Variants in NFATC4 observed in about 807,000 individuals in gnomAD.
The protein encoded by NFATC4 is nuclear factor of activated T cells 4, also known as nuclear factor of activated T-cells, cytoplasmic 4.
In NFATC4, 25 loss-of-function variants were observed where a neutral mutation model predicts 73.4. The observed-to-expected ratio is 0.34, with a 90% CI of 0.25 to 0.48. NFATC4 has a LOEUF of 0.48. Among genes scored for constraint, NFATC4 ranks in the 20% least tolerant of loss-of-function variants. The pLI, the probability that NFATC4 is intolerant of heterozygous loss-of-function variation, is 0.99. For missense variants in NFATC4, 1,130 were observed against 1,203.7 expected (o/e 0.94, Z 0.91); for synonymous variants, 523 against 510.3 (o/e 1.02, Z -0.34).
chr14:24,373,514 A>G lies in NFATC4; in HGVS notation c.1559+144A>G, dbSNP rs1319229701. 3 of 1,365,518 alleles carry G rather than the reference A, an allele frequency of 2.2e-6. No homozygotes were observed. The highest frequency in any genetic ancestry group is 1.4e-5 in the African/African-American group (1 of 69,102). 84.6% of individuals were successfully genotyped at this position (1,365,518 alleles called of 1,614,324 possible). On this transcript the variant is annotated intron_variant, in intron 4 of 9. Transcript: ENST00000250373. This position sits in a 1 kb window ranked among gnomAD's most constrained non-coding sequence, Gnocchi z 4.7. ...GCTTCAGGCCTACCCACCATCTGGA[A>G]GAGGACTTTTGGGGTTGGGGGTACC... is the stretch of plus-strand genomic sequence containing the variant.
At chr14:24,367,453 C>CA (rs2139267434), upstream of NFATC4, 1 of 1,535,752 alleles carries the variant, frequency 6.5e-7, no homozygotes, top group Non-Finnish European at 8.7e-7. Flanking sequence ...AGGGCAGCGG[C>CA]AAAGCCTGGC....
Position 24,377,464 on chromosome 14 carries a change from G to A in NFATC4, c.2642-174G>A. On this transcript the variant is annotated intron_variant, in intron 9 of 9. Coordinates refer to ENST00000250373, the MANE Select transcript of NFATC4 (RefSeq NM_004554.5). The surrounding 1 kb of genome is among the most constrained non-coding windows in gnomAD (Gnocchi z 4.2). The stretch of plus-strand genomic sequence containing the variant: ...AGGGAGTTGGGCAAGATTTGATTCG[G>A]AGCAGGTGTCAAGACGTGTTGGGGA... 4.9e-6 allele frequency: 7 copies of A among 1,439,396 alleles called. No individual in the cohort carries two copies. The highest frequency in any genetic ancestry group is 5.5e-6 in the Non-Finnish European group (6 of 1,099,588). 89.2% of individuals were successfully genotyped at this position (1,439,396 alleles called of 1,614,324 possible).
intron 7 of NFATC4, 44 bp downstream of exon 7, chr14:24,375,759 G>GGGGGGGGGGGCCCC: frequency 1.6e-6 from 1 of 617,010 alleles, no homozygotes; most frequent in Non-Finnish European, 3.0e-6. Flanking sequence ...GGGGGTGGGA[G>GGGGGGGGGGGCCCC]AAGGCAGGGG....
chr14:24,369,777 C>A lies in NFATC4; in HGVS notation c.379C>A (p.Pro127Thr), dbSNP rs374076962. The part of the protein sequence containing the change: ...RITSISPTPE[P>T]PAALEDNPDA... ...CACCTCCATCTCTCCCACGCCGGAG[C>A]CGCCAGCAGCGCTGGAGGACAACCC... Residue 127 changes from proline (P) to threonine (T), a missense_variant, in exon 2 of 10, where the codon CCG becomes ACG. Coordinates refer to ENST00000250373, the MANE Select transcript of NFATC4 (RefSeq NM_004554.5). 8.8e-6 allele frequency: 14 copies of A among 1,596,010 alleles called. No individual in the cohort carries two copies. The highest frequency in any genetic ancestry group is 3.5e-5 in the Admixed American group (2 of 56,634).
At chr14:24,368,724 C>T (rs574866761) in intron 1 of NFATC4, among the ~76,000 whole-genome samples, 29 of 152,026 alleles carry the variant, frequency 1.9e-4, no homozygotes, top group South Asian at 8.3e-4. Context: ...GGAACTACGG[C>T]CCCAACAGCA....
upstream of NFATC4, chr14:24,367,612 C>T: frequency 3.9e-6 from 6 of 1,536,146 alleles, no homozygotes; most frequent in Non-Finnish European, 5.2e-6. Flanking sequence ...GCTGATTCGG[C>T]AGCGCAAAGA....
chr14:24,371,051 T>C (rs781162531), intron 2 of NFATC4, among the ~76,000 whole-genome samples: 8 of 152,202 alleles, frequency 5.3e-5, no homozygotes, highest in Admixed American at 1.3e-4. Flanking sequence ...ATTCCTTAAT[T>C]TCTAGAGCCT....
At chr14:24,374,049 GCC>G in intron 5 of NFATC4, 182 bp downstream of exon 5, 1 of 995,914 alleles carries the variant, frequency 1.0e-6, no homozygotes, top group Non-Finnish European at 1.5e-6. Context: ...CTCTGGGGTG[GCC>G]CAGAGTGACA....
chr14:24,368,683 G>T (rs1301182674), intron 1 of NFATC4, among the ~76,000 whole-genome samples: 1 of 151,838 alleles, frequency 6.6e-6, no homozygotes, highest in Non-Finnish European at 1.5e-5. Flanking sequence ...CTCCCGGCTG[G>T]GCCGCCTGTC....
chr14:24,367,415 T>G, upstream of NFATC4: 1 of 1,535,662 alleles, frequency 6.5e-7, no homozygotes, highest in Middle Eastern at 1.8e-4. Flanking sequence ...TGGAGGCTAA[T>G]TCACGGCCCC....
In NFATC4 at chr14:24,377,862, A is replaced by G; in HGVS notation, c.*157A>G. 7.0e-7 allele frequency: 1 copy of G among 1,423,344 alleles called. No individual in the cohort carries two copies. Among genetic ancestry groups the G allele is most frequent in the Non-Finnish European group, 9.4e-7 (1 of 1,065,106 alleles). The allele number at this position is 1,423,344 out of a possible 1,614,324, so 88.2% of individuals were successfully genotyped here. On this transcript the variant is annotated 3_prime_UTR_variant, in exon 10 of 10. Transcript: ENST00000250373. This position sits in a 1 kb window ranked among gnomAD's most constrained non-coding sequence, Gnocchi z 4.2. ...CTCACTGTCTTCCCTCCCCTCCCCC[A>G]GCTGAGGTGTGGCCCTCAGGCCTGG...
rs779158673 is a variant in NFATC4 at position 24,376,404 on chromosome 14, C to T, written c.2167C>T (p.Pro723Ser). 1.9e-6 allele frequency: 3 copies of T among 1,613,450 alleles called. No individual in the cohort carries two copies. Among genetic ancestry groups the T allele is most frequent in the African/African-American group, 1.3e-5 (1 of 74,834 alleles). Residue 723 changes from proline to serine, a missense_variant, in exon 9 of 10, where the codon CCC (proline) becomes TCC (serine). Around this residue, in one of 3 missense-constraint regions of NFATC4, gnomAD observed 390 missense variants for 408.1 expected, o/e 0.96. Transcript: ENST00000250373. The surrounding 1 kb of genome is among the most constrained non-coding windows in gnomAD (Gnocchi z 5.0). The stretch of plus-strand genomic sequence containing the variant: ...CTTCTCACCACCCAGGCCCCCCTAC[C>T]CCTCCTATCCCCATGAAGACCCTGC... ...MDFSPPRPPY[P>S]SYPHEDPACE...
At position 24,369,005 on chromosome 14, in the gene NFATC4, C is replaced by T. The variant is rs1319520091; in HGVS notation, c.101-494C>T. 7.2e-6 allele frequency: 9 copies of T among 1,244,300 alleles called. No homozygotes were observed. In the South Asian group the frequency reaches 1.4e-4, roughly 20 times the overall value. 77.1% of individuals were successfully genotyped at this position (1,244,300 alleles called of 1,614,324 possible). The stretch of plus-strand genomic sequence containing the variant: ...CATCACCCCCTCGGCTGCACCTCCG[C>T]CCCTAGATGGCGAGGAGAGAGGGAG... On this transcript the variant is annotated intron_variant, in intron 1 of 9. Transcript: ENST00000250373.
intron 2 of NFATC4, among the ~76,000 whole-genome samples, chr14:24,370,965 C>G (rs912355555): frequency 6.6e-6 from 1 of 152,210 alleles, no homozygotes; most frequent in African/African-American, 2.4e-5. Flanking sequence ...TGGATTTCAG[C>G]CTTCCACTCT....
chr14:24,369,735 T>G lies in NFATC4; in HGVS notation c.337T>G (p.Cys113Gly). Residue 113 changes from cysteine (C) to glycine (G), a missense_variant, in exon 2 of 10, where the codon TGT (cysteine) becomes GGT (glycine). Cys to Gly is a radical substitution (Grantham distance 159, BLOSUM62 -3). Coordinates refer to ENST00000250373, the MANE Select transcript of NFATC4 (RefSeq NM_004554.5). ...TGCTGGGGGTGGCCGTGTTCTCGAGTGTCCCAGCATCCGCATCACCTCCAT... is the reference window on the plus strand; with the variant it reads ...TGCTGGGGGTGGCCGTGTTCTCGAGGGTCCCAGCATCCGCATCACCTCCAT... ...GGAGGGRVLE[C>G]PSIRITSISP... The G allele has an allele frequency of 6.2e-7, 1 of 1,607,276 alleles. No homozygotes were observed. The highest frequency in any genetic ancestry group is 8.5e-7 in the Non-Finnish European group (1 of 1,176,660).
rs1193485721 is a variant in NFATC4, at chr14:24,373,569, A to G, written c.1560-126A>G. On this transcript the variant is annotated intron_variant, in intron 4 of 9. Transcript: ENST00000250373. This position sits in a 1 kb window ranked among gnomAD's most constrained non-coding sequence, Gnocchi z 4.7. ...AGAGGCCATCTCTGGGTTAGAAAAT[A>G]GCCTCCTAGGCACTCATCGAAAGTC... 4.9e-6 allele frequency: 7 copies of G among 1,436,934 alleles called. No homozygotes were observed. In the East Asian group the frequency reaches 1.1e-4, roughly 23 times the overall value. The allele number at this position is 1,436,934 out of a possible 1,614,324, so 89.0% of individuals were successfully genotyped here.
rs1444698980 is a variant in NFATC4, at chr14:24,370,379, T to C, written c.981T>C (p.Pro327=). 3.3e-5 allele frequency: 53 copies of C among 1,613,922 alleles called. No individual in the cohort carries two copies. Among genetic ancestry groups the C allele is most frequent in the Non-Finnish European group, 4.2e-5 (50 of 1,180,008 alleles). ...YVGAPPAESI[P]QKTRRTSSEQ... ...GGGCCCCACCAGCTGAGAGCATCCC[T>C]CAGAAGACACGGCGGACTTCCAGCG... The change falls in exon 2 of 10, where the codon CCT becomes CCC. Residue 327 remains proline, a synonymous_variant. Transcript: ENST00000250373.
In NFATC4 at chr14:24,376,196, G is replaced by T. The variant is rs10141896; in HGVS notation, c.2056+95G>T. 66,726 of 1,589,074 alleles carry T rather than the reference G, an allele frequency of 0.042. 3,126 individuals are homozygous for T. Among genetic ancestry groups the T allele is most frequent in the East Asian group, 0.25 (10,966 of 44,584 alleles). On this transcript the variant is annotated intron_variant, in intron 8 of 9. Transcript: ENST00000250373. This position sits in a 1 kb window ranked among gnomAD's most constrained non-coding sequence, Gnocchi z 5.0. ...AGTACTCATCATGAGGGGCCAAGGGGTGAATGGAACCTGGGAGGAGCAGGC... is the reference window on the plus strand; with the variant it reads ...AGTACTCATCATGAGGGGCCAAGGGTTGAATGGAACCTGGGAGGAGCAGGC...
At chr14:24,367,035 C>CTG (rs750474049), upstream of NFATC4, 20 of 1,612,780 alleles carry the variant, frequency 1.2e-5, no homozygotes, top group Admixed American at 8.3e-5. Flanking sequence ...GAGGTTGAAA[C>CTG]TGTGTGTGTG....
Sources: allele counts gnomAD v4.1 joint callset (sites outside exome capture counted in the v4.1 genomes callset), GRCh38; gene constraint gnomAD v4.1.1; regional missense constraint gnomAD v4.1.1; non-coding constraint Gnocchi (gnomAD v3.1); transcripts MANE v1.5; gene names NCBI Gene and HGNC (gene_info 2026-07-23, HGNC 2026-07-21).